The following MVB12A variants were observed in gnomAD, a reference collection of about 807,000 sequenced individuals.
MVB12A encodes CIN85/CD2AP family binding protein.
In MVB12A, 30 loss-of-function variants were observed where a neutral mutation model predicts 34.3. The ratio of observed to expected loss-of-function variants is 0.88; its 90% confidence interval spans 0.65 to 1.19. The LOEUF (loss-of-function observed/expected upper bound fraction) is 1.19, where lower values mean the gene tolerates loss of function less well. Among genes scored for constraint, MVB12A ranks in the 50% most tolerant of loss-of-function variants. The pLI is 0.00. For missense variants in MVB12A, 355 were observed against 369.2 expected, an observed-to-expected ratio of 0.96 and a Z score of 0.31; for synonymous variants, 158 against 158.9, an observed-to-expected ratio of 0.99 and a Z score of 0.04.
rs1388240314 is a variant in MVB12A, at chr19:17,424,185, T to C, written c.702+118T>C. The C allele has an allele frequency of 8.1e-6, 8 of 982,476 alleles. No homozygotes were observed. The East Asian group carries it at 2.0e-4, about 24-fold the overall frequency. The allele number at this position is 982,476 out of a possible 1,614,324, so 60.9% of individuals were successfully genotyped here. On this transcript the variant is annotated intron_variant, in intron 7 of 8. Transcript: ENST00000317040. The stretch of plus-strand genomic sequence containing the variant: ...GCCACATCCTGGGTTGGGGCTGGAG[T>C]GTGTCACCTCCAGGTGGCAGCTGGA...
chr19:17,424,107 A>G (rs375268837), intron 7 of MVB12A, 40 bp downstream of exon 7: 52 of 1,591,300 alleles, frequency 3.3e-5, no homozygotes, highest in Non-Finnish European at 4.1e-5. Flanking sequence ...TGCGCCTGCC[A>G]TCACCATTCT....
chr19:17,417,012 A>G (rs759532722), upstream of MVB12A: 11 of 340,146 alleles, frequency 3.2e-5, no homozygotes, highest in Non-Finnish European at 5.9e-5. Context: ...TTTCTCATCC[A>G]TTGTCCTCCT....
chr19:17,408,609 G>C (rs2074743771), intron 2 of MVB12A, among the ~76,000 whole-genome samples: 1 of 150,112 alleles, frequency 6.7e-6, no homozygotes, highest in African/African-American at 2.4e-5. Flanking sequence ...GCCATGCCTG[G>C]CTTATTTTTG....
intron 2 of MVB12A, among the ~76,000 whole-genome samples, chr19:17,408,271 T>C (rs1323891867): frequency 6.6e-6 from 1 of 151,974 alleles, no homozygotes; most frequent in Non-Finnish European, 1.5e-5. Context: ...ATGGGTGCAG[T>C]GGCTCATGCC....
At chr19:17,407,451 G>A (rs902293295) in intron 2 of MVB12A, among the ~76,000 whole-genome samples, 5 of 152,302 alleles carry the variant, frequency 3.3e-5, no homozygotes, top group African/African-American at 1.2e-4. Context: ...AGGGTAAAGA[G>A]TGTGAGTCAT....
intron 4 of MVB12A, 125 bp downstream of exon 4, chr19:17,422,583 C>A: frequency 1.1e-6 from 1 of 925,724 alleles, no homozygotes; most frequent in Non-Finnish European, 1.6e-6. Context: ...GCCTCAGATT[C>A]TGCATGTTAA....
intron 2 of MVB12A, among the ~76,000 whole-genome samples, chr19:17,413,703 T>C (rs2074782842): frequency 6.6e-6 from 1 of 152,150 alleles, no homozygotes; most frequent in African/African-American, 2.4e-5. Flanking sequence ...GATGAGACCA[T>C]GTCTCAAAAA....
chr19:17,423,518 T>C lies in MVB12A; in HGVS notation c.434T>C (p.Ile145Thr). Reference sequence around the variant, plus strand: ...TCCAGGGACATGGGCGGCTTTGCCATCTGGTGCAAGAAGGCCAAGGCCCCG... The same window carrying C: ...TCCAGGGACATGGGCGGCTTTGCCACCTGGTGCAAGAAGGCCAAGGCCCCG... ...LRIGDMGGFA[I>T]WCKKAKAPRP... Residue 145 changes from isoleucine (I) to threonine (T), a missense_variant, in exon 5 of 9, where the codon ATC (isoleucine) becomes ACC (threonine). By Grantham distance (89) the Ile-to-Thr change is moderately conservative. Transcript: ENST00000317040. The C allele has an allele frequency of 6.2e-7, 1 of 1,613,202 alleles. No individual in the cohort carries two copies. Among genetic ancestry groups the C allele is most frequent in the Non-Finnish European group, 8.5e-7 (1 of 1,179,992 alleles).
At chr19:17,409,377 C>A (rs1223730874) in intron 2 of MVB12A, among the ~76,000 whole-genome samples, 2 of 151,470 alleles carry the variant, frequency 1.3e-5, no homozygotes, top group African/African-American at 4.9e-5. Context: ...GGGATCCACC[C>A]GACTTGGCCT....
At chr19:17,408,033 G>A (rs1449379710) in intron 2 of MVB12A, among the ~76,000 whole-genome samples, 1 of 152,184 alleles carries the variant, frequency 6.6e-6, no homozygotes, top group Non-Finnish European at 1.5e-5. Flanking sequence ...TCCTATCTCT[G>A]TATGGCCTGG....
At chr19:17,422,026 A>G (rs2074841558) in intron 3 of MVB12A, 1 of 237,438 alleles carries the variant, frequency 4.2e-6, no homozygotes, top group Non-Finnish European at 8.2e-6. Context: ...TAGAGGGCTC[A>G]TGGAAAGTAA....
intron 3 of MVB12A, among the ~76,000 whole-genome samples, chr19:17,421,564 G>A (rs1454831595): frequency 6.6e-6 from 1 of 152,144 alleles, no homozygotes; most frequent in Non-Finnish European, 1.5e-5. Flanking sequence ...AGGCTTTACA[G>A]GGCAGATGAT....
Position 17,423,528 on chromosome 19 carries a change from GAAGGCC to G in MVB12A, c.451_456del (p.Lys151_Ala152del). 3.1e-6 allele frequency: 5 copies of G among 1,613,546 alleles called. No individual in the cohort carries two copies. The highest frequency in any genetic ancestry group is 4.2e-6 in the Non-Finnish European group (5 of 1,180,024). On this transcript the variant is annotated inframe_deletion, in exon 5 of 9. Transcript: ENST00000317040. ...TGGGCGGCTTTGCCATCTGGTGCAA[GAAGGCC>G]AAGGCCCCGAGGCCAGTGCCCAAGC...
chr19:17,406,028 C>CTGGGGGCGGGGCCTGGGTT (rs2074726210), intron 1 of MVB12A: 1 of 154,242 alleles, frequency 6.5e-6, no homozygotes, highest in South Asian at 1.9e-4. Flanking sequence ...GGGCCTGGGT[C>CTGGGGGCGGGGCCTGGGTT]TGGGGGCGGG....
rs1339825944 is a variant in MVB12A at position 17,410,591 on chromosome 19, C to CGT, written c.-5+4295_-5+4296insGT. ...ACATATATATACATATATATATACACACATATATATATACACATATATATA... is the reference window on the plus strand; with the variant it reads ...ACATATATATACATATATATATACACGTACATATATATATACACATATATATA... On this transcript the variant is annotated intron_variant, in intron 2 of 6. Coordinates refer to the MVB12A transcript ENST00000528604. 1.9e-3 allele frequency among the ~76,000 whole-genome samples: 248 copies of CGT among 128,218 alleles called. 6 individuals are homozygous for CGT. Among genetic ancestry groups the CGT allele is most frequent in the African/African-American group, 8.3e-3 (234 of 28,298 alleles). The allele number at this position is 128,218 out of a possible 152,430, so 84.1% of individuals were successfully genotyped here.
chr19:17,420,027 C>G (rs902391807), upstream of MVB12A: 17 of 504,544 alleles, frequency 3.4e-5, 1 homozygote, highest in Non-Finnish European at 4.5e-5. Context: ...CCCCCCCCCC[C>G]GCATGGCCTT....
In MVB12A at chr19:17,423,717, A is replaced by G. The variant is rs1174797603; in HGVS notation, c.558A>G (p.Thr186=). ...GTAAGGGCGGCCTCCTGGAGCGGAC[A>G]GCGTCAAGGCTGGGCTCTCGGGCAT... ...QPSKGGLLER[T]ASRLGSRAST... is the part of the protein sequence containing the mutation. The change falls in exon 6 of 9, where the codon ACA becomes ACG. Residue 186 remains threonine (T), a synonymous_variant. Coordinates refer to ENST00000317040, the MANE Select transcript of MVB12A (RefSeq NM_138401.4). 3.1e-6 allele frequency: 5 copies of G among 1,613,848 alleles called. No individual in the cohort carries two copies. Among genetic ancestry groups the G allele is most frequent in the Non-Finnish European group, 3.4e-6 (4 of 1,179,944 alleles).
chr19:17,424,527 G>A, intron 7 of MVB12A, 94 bp from the exon 8 acceptor site: 1 of 1,254,394 alleles, frequency 8.0e-7, no homozygotes, highest in East Asian at 2.5e-5. Flanking sequence ...AATATTCGGG[G>A]AGTGTTGGGG....
chr19:17,417,306 T>C, upstream of MVB12A: 1 of 186,188 alleles, frequency 5.4e-6, no homozygotes, highest in East Asian at 1.4e-4. Context: ...GAACAGAACA[T>C]GAAGAATCCA....
Sources: allele counts gnomAD v4.1 joint callset (sites outside exome capture counted in the v4.1 genomes callset), GRCh38; gene constraint gnomAD v4.1.1; transcripts MANE v1.5; gene names NCBI Gene and HGNC (gene_info 2026-07-23, HGNC 2026-07-21).